Variants in CCDC62 observed in about 807,000 individuals in gnomAD.
CCDC62 encodes coiled-coil domain containing 62.
Under a neutral mutation model 80.8 loss-of-function variants are expected in CCDC62, and 72 were observed. The observed-to-expected ratio is 0.89, with a 90% CI of 0.74 to 1.08. CCDC62 has a LOEUF of 1.08. CCDC62 is among the 50% of genes least tolerant of loss of function. The pLI is 0.00. For missense variants in CCDC62, 704 were observed against 809.4 expected (o/e 0.87, Z 1.58); for synonymous variants, 286 against 296.5 (o/e 0.96, Z 0.36).
In CCDC62 at chr12:122,777,588, A is replaced by G. The variant is rs150209191; in HGVS notation, c.134A>G (p.Asn45Ser). 3.5e-5 allele frequency: 56 copies of G among 1,614,064 alleles called. No homozygotes were observed. The highest frequency in any genetic ancestry group is 4.2e-5 in the Non-Finnish European group (50 of 1,180,012). Residue 45 changes from asparagine (N) to serine (S), a missense_variant, in exon 2 of 13, where the codon AAT (asparagine) becomes AGT (serine). Coordinates refer to ENST00000253079, the MANE Select transcript of CCDC62 (RefSeq NM_201435.5). The part of the protein sequence containing the change: ...GELKDRDKEL[N>S]DMVAVHQQQL... ...TTAAAAGATCGAGATAAAGAGCTCA[A>G]TGACATGGTTGCAGTGCACCAGCAA...
At chr12:122,811,977 T>C (rs1320115884) in intron 10 of CCDC62, among the ~76,000 whole-genome samples, 1 of 152,162 alleles carries the variant, frequency 6.6e-6, no homozygotes, top group African/African-American at 2.4e-5. Flanking sequence ...TCAAGGCTTA[T>C]AAGCCTTTAA....
Position 122,826,396 on chromosome 12 carries a change from GT to G in CCDC62, c.*41-24del, listed in dbSNP as rs763926528. Reference sequence around the variant, plus strand: ...TATTAATTGATTGTATTTTATTAATGTTGTGTTTTCTTCATCCAAAAGCAGA... The same window carrying G: ...TATTAATTGATTGTATTTTATTAATGTGTGTTTTCTTCATCCAAAAGCAGA... On this transcript the variant is annotated intron_variant, in intron 12 of 12. Transcript: ENST00000253079. The G allele has an allele frequency of 4.6e-5, 36 of 779,024 alleles. No homozygotes were observed. In the East Asian group the frequency reaches 8.7e-4, roughly 19 times the overall value. 48.3% of individuals were successfully genotyped at this position (779,024 alleles called of 1,614,324 possible).
chr12:122,805,549 C>G (rs2031557001), intron 9 of CCDC62, among the ~76,000 whole-genome samples: 1 of 111,288 alleles, frequency 9.0e-6, no homozygotes, highest in Non-Finnish European at 1.7e-5. Context: ...GAGTCTTGCT[C>G]TGTCGCCCAG....
intron 8 of CCDC62, among the ~76,000 whole-genome samples, chr12:122,799,074 C>T (rs564017559): frequency 4.0e-5 from 6 of 151,782 alleles, no homozygotes; most frequent in Admixed American, 1.3e-4. Context: ...AGTGAGACTC[C>T]GTATGAAAAA....
chr12:122,775,135 G>A (rs1388774117), intron 1 of CCDC62, among the ~76,000 whole-genome samples: 2 of 149,862 alleles, frequency 1.3e-5, no homozygotes, highest in Non-Finnish European at 3.0e-5. Flanking sequence ...ATACACTAGA[G>A]GAAAACGGCG....
intron 12 of CCDC62, 130 bp downstream of exon 12, chr12:122,823,589 A>G (rs2032496503): frequency 1.8e-6 from 1 of 548,126 alleles, no homozygotes; most frequent in Non-Finnish European, 3.3e-6. Flanking sequence ...TGCTCGACCA[A>G]TTTATGCATA....
At chr12:122,793,134 A>G (rs908505655) in intron 6 of CCDC62, among the ~76,000 whole-genome samples, 5 of 152,192 alleles carry the variant, frequency 3.3e-5, no homozygotes, top group Admixed American at 6.5e-5. Flanking sequence ...GGACGAAATC[A>G]TCTCACACAA....
intron 11 of CCDC62, among the ~76,000 whole-genome samples, chr12:122,814,107 C>T (rs2032058537): frequency 6.6e-6 from 1 of 151,494 alleles, no homozygotes; most frequent in Non-Finnish European, 1.5e-5. Context: ...CATGGAGAAA[C>T]CCCGTCTCTA....
Position 122,788,918 on chromosome 12 carries a change from A to G in CCDC62, c.659A>G (p.Asn220Ser), listed in dbSNP as rs761037261. 1 of 1,593,884 alleles carries G rather than the reference A, an allele frequency of 6.3e-7. No homozygotes were observed. The highest frequency in any genetic ancestry group is 8.5e-7 in the Non-Finnish European group (1 of 1,174,342). Residue 220 changes from asparagine (N) to serine (S), a missense_variant, in exon 5 of 13, where the codon AAC becomes AGC. Asn to Ser is a conservative substitution (Grantham distance 46). Transcript: ENST00000253079. ...TTGAAGGCACTTAAGATTGAAGTCA[A>G]CAAACTAAAAGGTAAGGAAGAGACC... Reference protein sequence around the residue: ...QKLKALKIEVNKLKEDLNEKT... With the variant: ...QKLKALKIEVSKLKEDLNEKT...
chr12:122,782,532 C>A (rs1356846635), intron 3 of CCDC62, among the ~76,000 whole-genome samples: 2 of 152,252 alleles, frequency 1.3e-5, no homozygotes, highest in East Asian at 3.9e-4. Context: ...GATCTCGGCT[C>A]ACCATAACCT....
chr12:122,796,681 A>G (rs1174447422), intron 6 of CCDC62, among the ~76,000 whole-genome samples: 1 of 152,094 alleles, frequency 6.6e-6, no homozygotes, highest in Non-Finnish European at 1.5e-5. Flanking sequence ...AACATGGTGA[A>G]ACACAGGAGT....
chr12:122,788,644 C>A (rs902302269), intron 4 of CCDC62, 114 bp from the exon 5 acceptor site: 9 of 660,162 alleles, frequency 1.4e-5, no homozygotes, highest in African/African-American at 1.3e-4. Context: ...AATTCATATG[C>A]GAAAAATGCT....
intron 10 of CCDC62, among the ~76,000 whole-genome samples, chr12:122,812,777 G>GAGAGAGAAAGAA (rs750420995): frequency 1.1e-3 from 63 of 57,780 alleles, no homozygotes; most frequent in African/African-American, 4.5e-3. Context: ...GAGAGAGAGA[G>GAGAGAGAAAGAA]AGAAAGAAAG....
intron 11 of CCDC62, 152 bp downstream of exon 11, chr12:122,813,571 G>C: frequency 1.5e-6 from 1 of 654,716 alleles, no homozygotes; most frequent in East Asian, 3.1e-5. Context: ...GTTTTAAGGA[G>C]GAAAAAGTTA....
chr12:122,790,377 T>C (rs2030528670), intron 5 of CCDC62, among the ~76,000 whole-genome samples: 1 of 151,270 alleles, frequency 6.6e-6, no homozygotes, highest in African/African-American at 2.4e-5. Context: ...AAAAGAAAAA[T>C]AGTGGCTGGG....
chr12:122,780,584 A>G (rs1375008384), intron 2 of CCDC62, among the ~76,000 whole-genome samples: 2 of 151,632 alleles, frequency 1.3e-5, no homozygotes, highest in Admixed American at 1.3e-4. Context: ...ACTGCACTCC[A>G]GCCTGGACAA....
rs1054904892 is a variant in CCDC62, at chr12:122,774,715, C to T, written c.36+9C>T. 4.7e-5 allele frequency: 59 copies of T among 1,252,764 alleles called. No homozygotes were observed. Among genetic ancestry groups the T allele is most frequent in the African/African-American group, 2.6e-4 (17 of 64,780 alleles). The allele number at this position is 1,252,764 out of a possible 1,614,324, so 77.6% of individuals were successfully genotyped here. The stretch of plus-strand genomic sequence containing the variant: ...TCCTTGCCGGGCGCCAGGTAAGCAG[C>T]GGTTCCGGGCGCGGCGGGGCGCCGC... On this transcript the variant is annotated intron_variant, in intron 1 of 12. Coordinates refer to ENST00000253079, the MANE Select transcript of CCDC62 (RefSeq NM_201435.5).
rs745347934 is a variant in CCDC62 at position 122,806,309 on chromosome 12, T to G, written c.1851+14T>G. The G allele has an allele frequency of 2.5e-6, 4 of 1,598,288 alleles. No homozygotes were observed. Among genetic ancestry groups the G allele is most frequent in the Non-Finnish European group, 3.4e-6 (4 of 1,169,336 alleles). ...TTCAATGAAAAGGTTCGTATTTTGC[T>G]TAGACATCCCCAGCTTACTCAAGCC... On this transcript the variant is annotated intron_variant, in intron 10 of 12. Transcript: ENST00000253079.
intron 5 of CCDC62, among the ~76,000 whole-genome samples, chr12:122,789,930 GCTACA>G (rs150055271): frequency 0.035 from 5,335 of 152,170 alleles, 309 homozygotes; most frequent in African/African-American, 0.12. Flanking sequence ...TGGCACAAGG[GCTACA>G]CTCTAGGTAT....
Sources: gnomAD v4.1 joint callset for allele counts (sites outside exome capture counted in the v4.1 genomes callset) on GRCh38, gnomAD v4.1.1 for gene constraint, MANE v1.5 for transcripts, NCBI Gene and HGNC (gene_info 2026-07-23, HGNC 2026-07-21) for gene names.